The following NFRKB variants were observed in gnomAD, a reference collection of about 807,000 sequenced individuals.
NFRKB encodes the protein nuclear factor related to kappa-B-binding protein.
NFRKB carries 62 observed loss-of-function variants against 135.7 expected under a neutral mutation model. The ratio of observed to expected loss-of-function variants is 0.46; its 90% CI spans 0.37 to 0.56. NFRKB has a LOEUF of 0.56. NFRKB is among the 20% of genes least tolerant of loss of function. The pLI, the probability that NFRKB is intolerant of heterozygous loss-of-function variation, is 0.00. For synonymous variants in NFRKB, 678 were observed against 635.6 expected, an observed-to-expected ratio of 1.07 and a Z score of -1.00; for missense variants, 1,545 against 1,662.0, an observed-to-expected ratio of 0.93 and a Z score of 1.22.
chr11:129,891,900 A>G (rs1949574341), intron 3 of NFRKB, among the ~76,000 whole-genome samples: 1 of 152,256 alleles, frequency 6.6e-6, no homozygotes, highest in African/African-American at 2.4e-5. Context: ...AGATTTACTA[A>G]CACAGTAAGA....
rs564977272 is a variant in NFRKB, at chr11:129,884,944, A to G, written c.641-98T>C. 119 of 1,578,208 alleles carry G rather than the reference A, an allele frequency of 7.5e-5. No homozygotes were observed. In the African/African-American group the frequency reaches 1.3e-3, roughly 18 times the overall value. ...ATTTGGGTTCAACAAGGCTAAGCCA[A>G]CAACATGGAGGCCAGGGTTCCACAA... is the stretch of plus-strand genomic sequence containing the variant. On this transcript the variant is annotated intron_variant, in intron 6 of 26. Coordinates refer to ENST00000682444, the MANE Select transcript of NFRKB (RefSeq NM_001143835.2).
chr11:129,865,764 A>G (rs1948159164), intron 25 of NFRKB, 113 bp downstream of exon 25: 13 of 833,038 alleles, frequency 1.6e-5, no homozygotes, highest in Non-Finnish European at 2.6e-5. Flanking sequence ...CAGAGGTGTC[A>G]AAGAAGGGCC....
Position 129,895,056 on chromosome 11 carries a change from C to G in NFRKB, c.-102+440G>C, listed in dbSNP as rs756517554. On this transcript the variant is annotated intron_variant, in intron 1 of 26. Coordinates refer to ENST00000682444, the MANE Select transcript of NFRKB (RefSeq NM_001143835.2). The stretch of plus-strand genomic sequence containing the variant: ...TGCCAGGGAGTTGGACCCCGGAAGC[C>G]AAGGATTTCCAGATCTTCGGGCGTT... 7.6e-4 allele frequency among the ~76,000 whole-genome samples: 115 copies of G among 152,222 alleles called. 1 individual carries two copies. Among genetic ancestry groups the G allele is most frequent in the Admixed American group, 7.3e-3 (112 of 15,292 alleles).
chr11:129,882,221 C>A, intron 10 of NFRKB, 27 bp from the exon 11 acceptor site: 1 of 1,568,814 alleles, frequency 6.4e-7, no homozygotes, highest in East Asian at 2.2e-5. Context: ...AATATAAGAA[C>A]CAAAAAGACC....
At chr11:129,877,427 CG>C in intron 15 of NFRKB, 42 bp from the exon 16 acceptor site, 1 of 1,584,744 alleles carries the variant, frequency 6.3e-7, no homozygotes, top group Non-Finnish European at 8.7e-7. Flanking sequence ...ACAGCTGGCA[CG>C]TGTGTCAGAC....
chr11:129,876,968 A>G, intron 16 of NFRKB, 73 bp from the exon 17 acceptor site: 1 of 1,371,654 alleles, frequency 7.3e-7, no homozygotes. Context: ...CTTACAATAT[A>G]AGCAGATCCA....
At chr11:129,886,166 A>G in intron 5 of NFRKB, 151 bp downstream of exon 5, 1 of 816,892 alleles carries the variant, frequency 1.2e-6, no homozygotes. Flanking sequence ...GTTTATCATA[A>G]GAAAGGATGG....
chr11:129,867,671 T>C (rs1006761673), intron 24 of NFRKB, among the ~76,000 whole-genome samples: 4 of 152,234 alleles, frequency 2.6e-5, no homozygotes, highest in African/African-American at 9.6e-5. Flanking sequence ...GGGTATTCAT[T>C]TGACTTATGT....
intron 24 of NFRKB, 83 bp from the exon 25 acceptor site, chr11:129,866,066 A>C (rs1948177539): frequency 2.6e-6 from 3 of 1,165,846 alleles, no homozygotes. Flanking sequence ...TCAGGAACTG[A>C]GAAGCAAGCA....
In NFRKB at chr11:129,864,617, T is replaced by C. The variant is rs992237574; in HGVS notation, c.*108A>G. 2.0e-6 allele frequency: 3 copies of C among 1,509,352 alleles called. No individual in the cohort carries two copies. Among genetic ancestry groups the C allele is most frequent in the East Asian group, 2.3e-5 (1 of 43,982 alleles). The allele number at this position is 1,509,352 out of a possible 1,614,324, so 93.5% of individuals were successfully genotyped here. ...GCCACCGTTGCCATCACCCCTCGCC[T>C]GGCTGCCTTGAACAGGCAAGCTTAA... On this transcript the variant is annotated 3_prime_UTR_variant, in exon 27 of 27. Coordinates refer to ENST00000682444, the MANE Select transcript of NFRKB (RefSeq NM_001143835.2).
chr11:129,870,039 C>G lies in NFRKB; in HGVS notation c.2986G>C (p.Gly996Arg), dbSNP rs760868594. Residue 996 changes from glycine to arginine, a missense_variant, in exon 24 of 27, where the codon GGG (glycine) becomes CGG (arginine). By Grantham distance (125) the Gly-to-Arg change is moderately radical (BLOSUM62 -2). This residue lies in a region of NFRKB where 753 missense variants were observed against 804.3 expected (regional missense o/e 0.94). Transcript: ENST00000682444. The stretch of plus-strand genomic sequence containing the variant: ...TTGCCTGTAGTGTTGCCTCCTGTCC[C>G]GAAGAGGTCCTGGGTCAATTTGACT... ...TTVKLTQDLF[G>R]TGGNTTGKGI... 1 of 1,614,112 alleles carries G rather than the reference C, an allele frequency of 6.2e-7. No homozygotes were observed. Among genetic ancestry groups the G allele is most frequent in the Non-Finnish European group, 8.5e-7 (1 of 1,180,052 alleles).
chr11:129,894,320 A>T (rs1220848983), intron 2 of NFRKB, 39 bp downstream of exon 2: 1 of 152,252 alleles, frequency 6.6e-6, no homozygotes, highest in African/African-American at 2.4e-5. Context: ...AGAATTCCAT[A>T]TTCCACATTC....
intron 24 of NFRKB, among the ~76,000 whole-genome samples, chr11:129,866,259 G>C (rs1948187117): frequency 6.6e-6 from 1 of 152,150 alleles, no homozygotes; most frequent in African/African-American, 2.4e-5. Flanking sequence ...GATAAAACCT[G>C]TATCTAAATC....
In NFRKB at chr11:129,888,759, A is replaced by G. The variant is rs1156784351; in HGVS notation, c.172T>C (p.Trp58Arg). ...TGAGAATCACTTAACACTTCCTGCCATGTTGAGAGGCTGACAACATCAAAG... is the reference window on the plus strand; with the variant it reads ...TGAGAATCACTTAACACTTCCTGCCGTGTTGAGAGGCTGACAACATCAAAG... ...IFFDVVSLSTWQEVLSDSQRE... is the reference protein window; with the variant it reads ...IFFDVVSLSTRQEVLSDSQRE... Residue 58 changes from tryptophan to arginine, a missense_variant, in exon 4 of 27, where the codon TGG (tryptophan) becomes CGG (arginine). Around this residue, in one of 3 missense-constraint regions of NFRKB, gnomAD observed 678 missense variants for 646.7 expected, o/e 1.05. Coordinates refer to ENST00000682444, the MANE Select transcript of NFRKB (RefSeq NM_001143835.2). The G allele has an allele frequency of 6.2e-7, 1 of 1,614,212 alleles. No individual in the cohort carries two copies. Among genetic ancestry groups the G allele is most frequent in the Non-Finnish European group, 8.5e-7 (1 of 1,180,012 alleles).
chr11:129,878,770 C>T lies in NFRKB; in HGVS notation c.1385-227G>A, dbSNP rs142748444. Among the ~76,000 whole-genome samples the T allele has an allele frequency of 2.2e-3, 333 of 152,330 alleles. 1 individual carries two copies. Among genetic ancestry groups the T allele is most frequent in the Non-Finnish European group, 3.6e-3 (244 of 68,030 alleles). On this transcript the variant is annotated intron_variant, in intron 13 of 26. Transcript: ENST00000682444. ...CACTCCGTAGGCATTCGCTGAGTAT[C>T]CACTGTGCCACGCACTGCATGTGAC...
In NFRKB at chr11:129,881,450, C is replaced by T. The variant is rs1344398604; in HGVS notation, c.1377G>A (p.Lys459=). 6.2e-7 allele frequency: 1 copy of T among 1,614,156 alleles called. No individual in the cohort carries two copies. The change falls in exon 13 of 27, where the codon AAG becomes AAA. Residue 459 remains lysine (K), a synonymous_variant. Transcript: ENST00000682444. The part of the protein sequence containing the change: ...VEFKEKTQQW[K]LLGQSQDNEK... ...GTAATACGGATCACTTACCAAGCAACTTCCACTGCTGGGTTTTCTCTTTGA... is the reference window on the plus strand; with the variant it reads ...GTAATACGGATCACTTACCAAGCAATTTCCACTGCTGGGTTTTCTCTTTGA...
intron 23 of NFRKB, chr11:129,872,673 G>A (rs370655845): frequency 1.5e-5 from 7 of 479,700 alleles, no homozygotes; most frequent in African/African-American, 9.6e-5. Context: ...TGAATTAAAC[G>A]GAATGAAACA....
chr11:129,873,646 T>C (rs1194341586), intron 22 of NFRKB, 99 bp downstream of exon 22: 3 of 1,479,626 alleles, frequency 2.0e-6, no homozygotes, highest in African/African-American at 1.4e-5. Flanking sequence ...CAATAATCTA[T>C]GGCTCCCCAG....
At chr11:129,886,039 A>T (rs1949261635) in intron 5 of NFRKB, among the ~76,000 whole-genome samples, 1 of 152,210 alleles carries the variant, frequency 6.6e-6, no homozygotes, top group East Asian at 1.9e-4. Context: ...TTAATAACCC[A>T]TGATAGATCC....
Sources: gnomAD v4.1 joint callset for allele counts (sites outside exome capture counted in the v4.1 genomes callset) on GRCh38, gnomAD v4.1.1 for gene constraint, gnomAD v4.1.1 regional missense constraint, MANE v1.5 for transcripts, NCBI Gene and HGNC (gene_info 2026-07-23, HGNC 2026-07-21) for gene names.